Variants in COL26A1 observed in about 807,000 individuals in gnomAD.
The protein encoded by COL26A1 is collagen type XXVI alpha 1 chain.
In COL26A1, 41 loss-of-function variants were observed where a neutral mutation model predicts 59.3. The ratio of observed to expected loss-of-function variants is 0.69; its 90% CI spans 0.54 to 0.90. The LOEUF (loss-of-function observed/expected upper bound fraction) is 0.90. Ranked by LOEUF, COL26A1 falls within the 40% of genes least tolerant of loss-of-function variation. The pLI, the probability that COL26A1 is intolerant of heterozygous loss-of-function variation, is 0.00. For missense variants in COL26A1, 612 were observed against 602.3 expected, an observed-to-expected ratio of 1.02 and a Z score of -0.17; for synonymous variants, 266 against 256.0, an observed-to-expected ratio of 1.04 and a Z score of -0.37.
intron 1 of COL26A1, among the ~76,000 whole-genome samples, chr7:101,414,460 C>T (rs1395136031): frequency 1.5e-5 from 2 of 133,644 alleles, no homozygotes; most frequent in Non-Finnish European, 3.2e-5. Flanking sequence ...GTGTGTGTGT[C>T]GGAGTCTTGC....
intron 3 of COL26A1, among the ~76,000 whole-genome samples, chr7:101,488,887 C>G (rs554728172): frequency 7.9e-5 from 12 of 152,300 alleles, no homozygotes; most frequent in African/African-American, 2.9e-4. Context: ...GTTTACAGCT[C>G]TGTAAAGTTG....
At chr7:101,391,928 G>A (rs1328551338) in intron 1 of COL26A1, among the ~76,000 whole-genome samples, 1 of 150,988 alleles carries the variant, frequency 6.6e-6, no homozygotes, top group Non-Finnish European at 1.5e-5. Context: ...ATGTTGCTCA[G>A]GCTGATCTTG....
At chr7:101,462,929 C>T (rs919033727) in intron 3 of COL26A1, among the ~76,000 whole-genome samples, 12 of 152,258 alleles carry the variant, frequency 7.9e-5, no homozygotes, top group Admixed American at 6.5e-4. Context: ...CGGGACACTT[C>T]GTGCATCAAA....
intron 3 of COL26A1, among the ~76,000 whole-genome samples, chr7:101,498,909 C>T (rs12538381): frequency 0.1 from 15,880 of 152,164 alleles, 860 homozygotes; most frequent in African/African-American, 0.13. Context: ...CTTCATCGAG[C>T]GCTCTCAGGC....
rs1274584484 is a variant in COL26A1 at position 101,553,337 on chromosome 7, C to A, written c.1041C>A (p.Gly347=). The change falls in exon 11 of 13, where the codon GGC becomes GGA. Residue 347 remains glycine (G), a synonymous_variant. Transcript: ENST00000313669. ...RGTVGPSGEP[G]VKGEEGEKAA... ...GACTTGCTTCTTAGGGTGAACCTGG[C>A]GTGAAGGGGGAAGAAGGAGAGAAAG... The A allele has an allele frequency of 2.5e-6, 4 of 1,613,514 alleles. No homozygotes were observed. The highest frequency in any genetic ancestry group is 3.4e-6 in the Non-Finnish European group (4 of 1,179,702).
At chr7:101,493,888 G>A (rs1028301665) in intron 3 of COL26A1, among the ~76,000 whole-genome samples, 4 of 150,152 alleles carry the variant, frequency 2.7e-5, no homozygotes, top group South Asian at 2.1e-4. Flanking sequence ...AGCTGAGATC[G>A]TGCCTCTGCA....
intron 1 of COL26A1, among the ~76,000 whole-genome samples, chr7:101,409,227 A>G (rs561445546): frequency 1.3e-5 from 2 of 152,196 alleles, no homozygotes; most frequent in African/African-American, 4.8e-5. Flanking sequence ...GAGTAGGGAT[A>G]GTTCCTCCTC....
chr7:101,446,187 C>T (rs1794022420), intron 2 of COL26A1, among the ~76,000 whole-genome samples: 1 of 152,034 alleles, frequency 6.6e-6, no homozygotes, highest in African/African-American at 2.4e-5. Context: ...GAGGTCTGTC[C>T]CCTGATCTAA....
At chr7:101,518,225 C>T (rs2158739) in intron 3 of COL26A1, among the ~76,000 whole-genome samples, 89,227 of 151,950 alleles carry the variant, frequency 0.59, 27,008 homozygotes, top group Middle Eastern at 0.69. Context: ...CCTTGAGAGG[C>T]GATTGCCTCC....
chr7:101,493,045 C>G (rs1013048927), intron 3 of COL26A1, among the ~76,000 whole-genome samples: 1 of 152,274 alleles, frequency 6.6e-6, no homozygotes, highest in East Asian at 1.9e-4. Flanking sequence ...ATTTAGTCCT[C>G]AAACAAGATG....
intron 3 of COL26A1, among the ~76,000 whole-genome samples, chr7:101,518,728 A>G (rs1057109703): frequency 1.3e-5 from 2 of 152,228 alleles, no homozygotes; most frequent in African/African-American, 4.8e-5. Flanking sequence ...AAACATGTAC[A>G]GTGATGTTCC....
At chr7:101,403,119 C>T (rs1792053297) in intron 1 of COL26A1, among the ~76,000 whole-genome samples, 1 of 152,064 alleles carries the variant, frequency 6.6e-6, no homozygotes. Flanking sequence ...GCTGGGATTA[C>T]AGTCATGAGC....
intron 3 of COL26A1, among the ~76,000 whole-genome samples, chr7:101,502,669 C>G (rs1168888774): frequency 6.6e-6 from 1 of 152,230 alleles, no homozygotes; most frequent in Non-Finnish European, 1.5e-5. Flanking sequence ...TGTTCCACTG[C>G]AGCCTGGGAG....
intron 3 of COL26A1, among the ~76,000 whole-genome samples, chr7:101,493,613 G>A (rs537855882): frequency 1.3e-5 from 2 of 152,002 alleles, no homozygotes; most frequent in African/African-American, 4.8e-5. Flanking sequence ...ACAGTGCATC[G>A]GAATTTTGTT....
At chr7:101,555,212 C>A (rs538377548) in intron 11 of COL26A1, among the ~76,000 whole-genome samples, 15 of 152,098 alleles carry the variant, frequency 9.9e-5, no homozygotes, top group African/African-American at 3.6e-4. Context: ...GTGTGCAGAC[C>A]GGGCCCTTGA....
intron 3 of COL26A1, among the ~76,000 whole-genome samples, chr7:101,482,088 C>T (rs1226477901): frequency 6.6e-6 from 1 of 151,812 alleles, no homozygotes; most frequent in African/African-American, 2.4e-5. Flanking sequence ...ATGATCTCGG[C>T]TCACTGCAAC....
chr7:101,488,384 ACAT>A (rs1224370475), intron 3 of COL26A1, among the ~76,000 whole-genome samples: 11 of 136,902 alleles, frequency 8.0e-5, no homozygotes, highest in African/African-American at 2.2e-4. Flanking sequence ...ATATACACAC[ACAT>A]TTTTTTTTTC....
chr7:101,548,466 C>T (rs535447468), intron 8 of COL26A1, among the ~76,000 whole-genome samples: 26 of 152,186 alleles, frequency 1.7e-4, no homozygotes, highest in African/African-American at 5.3e-4. Context: ...TGGCCATGGG[C>T]GGTGGCTGGT....
At chr7:101,461,312 T>A (rs551296701) in intron 3 of COL26A1, among the ~76,000 whole-genome samples, 1 of 150,972 alleles carries the variant, frequency 6.6e-6, no homozygotes, top group African/African-American at 2.4e-5. Context: ...CTCCTTCTTT[T>A]TTTTTGACGG....
Sources: gnomAD v4.1 joint callset for allele counts (sites outside exome capture counted in the v4.1 genomes callset) on GRCh38, gnomAD v4.1.1 for gene constraint, MANE v1.5 for transcripts, NCBI Gene and HGNC (gene_info 2026-07-23, HGNC 2026-07-21) for gene names.